Variants in KANK1 observed in about 807,000 individuals in gnomAD.
KANK1 encodes the protein KN motif and ankyrin repeat domain-containing protein 1.
A neutral mutation model predicts 106.2 loss-of-function variants in KANK1; 109 were observed. The observed-to-expected ratio is 1.03, with a 90% confidence interval of 0.88 to 1.20. The LOEUF (loss-of-function observed/expected upper bound fraction) is 1.20, where lower values mean the gene tolerates loss of function less well. Ranked by LOEUF, KANK1 falls within the 50% of genes most tolerant of loss-of-function variation. The pLI is 0.00. For missense variants in KANK1, 2,399 were observed against 1,710.7 expected (o/e 1.40, Z -7.10); for synonymous variants, 873 against 652.2 (o/e 1.34, Z -5.16).
intron 1 of KANK1, among the ~76,000 whole-genome samples, chr9:531,413 AGAGT>A (rs2060050138): frequency 6.6e-6 from 1 of 152,244 alleles, no homozygotes; most frequent in Non-Finnish European, 1.5e-5. Flanking sequence ...CCTGGGTGAC[AGAGT>A]GAGACCCTGT....
intron 3 of KANK1, among the ~76,000 whole-genome samples, chr9:478,828 C>G (rs2058152941): frequency 6.6e-6 from 1 of 152,152 alleles, no homozygotes; most frequent in South Asian, 2.1e-4. Context: ...GCCACATTTA[C>G]TTTGCACAAC....
intron 3 of KANK1, among the ~76,000 whole-genome samples, chr9:713,679 G>T (rs1278444019): frequency 6.6e-6 from 1 of 152,200 alleles, no homozygotes; most frequent in East Asian, 1.9e-4. Context: ...CTCTGGCTGA[G>T]GACTAACGCT....
At position 538,517 on chromosome 9, in the gene KANK1, T is replaced by G. The variant is rs147387126; in HGVS notation, c.-84+33763T>G. On this transcript the variant is annotated intron_variant, in intron 1 of 11. Transcript: ENST00000382297. ...ACATTCTGCCTCAGGCTGGAGCAGT[T>G]TTTAAAACTAAATTGACAGCAACTA... Among the ~76,000 whole-genome samples the G allele has an allele frequency of 8.9e-4, 136 of 152,324 alleles. 1 individual carries two copies. Among genetic ancestry groups the G allele is most frequent in the African/African-American group, 3.0e-3 (126 of 41,574 alleles).
chr9:586,237 G>C (rs1380371275), intron 1 of KANK1, among the ~76,000 whole-genome samples: 1 of 152,224 alleles, frequency 6.6e-6, no homozygotes, highest in Non-Finnish European at 1.5e-5. Context: ...TGACTTCAAA[G>C]CACAGTGAGG....
intron 1 of KANK1, among the ~76,000 whole-genome samples, chr9:515,322 G>A (rs1177810437): frequency 6.7e-6 from 1 of 149,416 alleles, no homozygotes; most frequent in Admixed American, 6.6e-5. Flanking sequence ...TCCAGCCTGG[G>A]TGAAAGAGCA....
chr9:568,121 CCTG>C (rs1818262295), intron 1 of KANK1, among the ~76,000 whole-genome samples: 1 of 152,050 alleles, frequency 6.6e-6, no homozygotes, highest in Non-Finnish European at 1.5e-5. Flanking sequence ...AGAGAGTGAT[CCTG>C]TGTGAGAATA....
intron 3 of KANK1, among the ~76,000 whole-genome samples, chr9:481,765 G>A (rs2058209167): frequency 1.3e-5 from 2 of 152,108 alleles, no homozygotes; most frequent in Non-Finnish European, 2.9e-5. Context: ...CATCGTTTGA[G>A]CCCAGGAGGT....
At chr9:573,268 A>C (rs1587930425) in intron 1 of KANK1, among the ~76,000 whole-genome samples, 1 of 151,972 alleles carries the variant, frequency 6.6e-6, no homozygotes, top group Admixed American at 6.6e-5. Flanking sequence ...AGGATTTATT[A>C]TTATTATTAT....
chr9:716,304 G>A (rs184123647), intron 3 of KANK1, among the ~76,000 whole-genome samples: 138 of 152,340 alleles, frequency 9.1e-4, no homozygotes, highest in Middle Eastern at 3.4e-3. Flanking sequence ...AAAGCACAGA[G>A]TATAAATGCT....
rs143016286 is a variant in KANK1 at position 544,687 on chromosome 9, G to A, written c.-84+39933G>A. Among the ~76,000 whole-genome samples, 406 of 152,124 alleles carry A rather than the reference G, an allele frequency of 2.7e-3. 3 individuals are homozygous for A. The highest frequency in any genetic ancestry group is 3.9e-3 in the Non-Finnish European group (263 of 67,996). On this transcript the variant is annotated intron_variant, in intron 1 of 11. Coordinates refer to ENST00000382297, the MANE Select transcript of KANK1 (RefSeq NM_015158.5). ...GGAACATTAATGGGAGGTGGAGGTC[G>A]TAGTTGAAGCTGAAACCTGTTGGGT...
chr9:720,768 G>A (rs1038279261), intron 3 of KANK1, among the ~76,000 whole-genome samples: 1 of 152,090 alleles, frequency 6.6e-6, no homozygotes, highest in African/African-American at 2.4e-5. Flanking sequence ...AAAGTACTGG[G>A]ATTACAGGTG....
At chr9:508,602 T>A (rs935710489) in intron 1 of KANK1, among the ~76,000 whole-genome samples, 3 of 151,760 alleles carry the variant, frequency 2.0e-5, no homozygotes, top group Non-Finnish European at 4.4e-5. Context: ...TTGTGCCAAC[T>A]GTGGATTAGT....
chr9:561,490 C>G (rs1180139478), intron 1 of KANK1, among the ~76,000 whole-genome samples: 1 of 152,180 alleles, frequency 6.6e-6, no homozygotes, highest in African/African-American at 2.4e-5. Context: ...GAAGATATCT[C>G]AAATACACTC....
rs36033779 is a variant in KANK1, at chr9:575,508, GAA to G, written c.-84+70770_-84+70771del. Among the ~76,000 whole-genome samples, 963 of 128,280 alleles carry G rather than the reference GAA, an allele frequency of 7.5e-3. 15 individuals are homozygous for G. Among genetic ancestry groups the G allele is most frequent in the African/African-American group, 0.022 (755 of 34,042 alleles). The allele number at this position is 128,280 out of a possible 152,430, so 84.2% of individuals were successfully genotyped here. ...CATAGCAAGACCCTGTCTCTACAGGGAAAAAAAAAAAAAAAAAGCCAGGAATG... is the reference window on the plus strand; with the variant it reads ...CATAGCAAGACCCTGTCTCTACAGGGAAAAAAAAAAAAAAAGCCAGGAATG... On this transcript the variant is annotated intron_variant, in intron 1 of 11. Transcript: ENST00000382297.
chr9:674,823 C>G (rs1193827020), intron 1 of KANK1, among the ~76,000 whole-genome samples: 1 of 152,030 alleles, frequency 6.6e-6, no homozygotes, highest in Non-Finnish European at 1.5e-5. Context: ...GGTGCCTCAG[C>G]CTCCCGAGTA....
intron 1 of KANK1, among the ~76,000 whole-genome samples, chr9:516,143 G>T (rs2059268904): frequency 6.6e-6 from 1 of 151,532 alleles, no homozygotes; most frequent in Non-Finnish European, 1.5e-5. Flanking sequence ...GTACTTACAG[G>T]TGTTGTTTGG....
At chr9:539,097 T>C (rs940849346) in intron 1 of KANK1, among the ~76,000 whole-genome samples, 3 of 152,156 alleles carry the variant, frequency 2.0e-5, no homozygotes, top group African/African-American at 7.2e-5. Context: ...GCCCAGCTGG[T>C]CTTGAACTCC....
chr9:512,792 G>T (rs1244694563), intron 1 of KANK1, among the ~76,000 whole-genome samples: 1 of 152,142 alleles, frequency 6.6e-6, no homozygotes. Context: ...ATTTGACAGT[G>T]TCTGTTAACT....
At chr9:539,991 A>G (rs2060508304) in intron 1 of KANK1, among the ~76,000 whole-genome samples, 1 of 152,240 alleles carries the variant, frequency 6.6e-6, no homozygotes, top group Non-Finnish European at 1.5e-5. Flanking sequence ...AAACAGAGAC[A>G]GAGTAACTTC....
Sources: allele counts gnomAD v4.1 joint callset (sites outside exome capture counted in the v4.1 genomes callset), GRCh38; gene constraint gnomAD v4.1.1; transcripts MANE v1.5; gene names NCBI Gene and HGNC (gene_info 2026-07-23, HGNC 2026-07-21).